Variants in PRKCH observed in about 807,000 individuals in gnomAD.
PRKCH encodes the protein protein kinase C eta type.
In PRKCH, 28 loss-of-function variants were observed where a neutral mutation model predicts 82.5. The observed-to-expected ratio is 0.34, with a 90% CI of 0.25 to 0.47. The LOEUF (loss-of-function observed/expected upper bound fraction) is 0.47, where lower values mean the gene tolerates loss of function less well. PRKCH is among the 20% of genes least tolerant of loss of function. The pLI is 1.00. For missense variants in PRKCH, 705 were observed against 881.8 expected (o/e 0.80, Z 2.54); for synonymous variants, 322 against 327.4 (o/e 0.98, Z 0.18).
intron 1 of PRKCH, among the ~76,000 whole-genome samples, chr14:61,233,353 T>C (rs1349951681): frequency 1.3e-5 from 2 of 150,792 alleles, no homozygotes; most frequent in Non-Finnish European, 2.9e-5. Flanking sequence ...ATCAAGCCAC[T>C]GCACTCTGCT....
intron 1 of PRKCH, among the ~76,000 whole-genome samples, chr14:61,360,716 C>G (rs2046213874): frequency 6.6e-6 from 1 of 152,152 alleles, no homozygotes; most frequent in Admixed American, 6.5e-5. Flanking sequence ...TCCCCAGTTA[C>G]CCAACCCACT....
intron 1 of PRKCH, among the ~76,000 whole-genome samples, chr14:61,229,294 G>A (rs999566114): frequency 1.4e-4 from 21 of 152,092 alleles, no homozygotes; most frequent in Non-Finnish European, 2.6e-4. Context: ...GTGGGCAGGC[G>A]CTAAGTATAC....
chr14:61,285,651 T>G (rs1408730372), intron 1 of PRKCH, among the ~76,000 whole-genome samples: 1 of 152,180 alleles, frequency 6.6e-6, no homozygotes, highest in Non-Finnish European at 1.5e-5. Flanking sequence ...CCATCTAATT[T>G]GTACACAAAT....
chr14:61,207,550 G>A (rs1418167295), intron 1 of PRKCH, among the ~76,000 whole-genome samples: 4 of 152,056 alleles, frequency 2.6e-5, no homozygotes, highest in Non-Finnish European at 5.9e-5. Context: ...AATTCTTACA[G>A]CAGATAGATG....
At position 61,322,053 on chromosome 14, in the gene PRKCH, C is replaced by A; in HGVS notation, c.-49C>A. Reference sequence around the variant, plus strand: ...GGCCTGAGACGGGACTCCCGGTTCTCCCGCTGCGAAGCAGCGCGGCCCCCC... The same window carrying A: ...GGCCTGAGACGGGACTCCCGGTTCTACCGCTGCGAAGCAGCGCGGCCCCCC... On this transcript the variant is annotated 5_prime_UTR_variant, in exon 1 of 14. Transcript: ENST00000332981. The A allele has an allele frequency of 6.7e-7, 1 of 1,489,928 alleles. No individual in the cohort carries two copies. 92.3% of individuals were successfully genotyped at this position (1,489,928 alleles called of 1,614,324 possible).
chr14:61,339,763 C>T (rs1419079040), intron 1 of PRKCH, among the ~76,000 whole-genome samples: 1 of 141,102 alleles, frequency 7.1e-6, no homozygotes, highest in African/African-American at 2.8e-5. Context: ...CTCACTGCTA[C>T]CTTAACTCCT....
chr14:61,343,638 A>T (rs1357083480), intron 1 of PRKCH, among the ~76,000 whole-genome samples: 2 of 152,210 alleles, frequency 1.3e-5, no homozygotes, highest in Non-Finnish European at 2.9e-5. Context: ...TTTGTAATCA[A>T]GTAATATTTT....
chr14:61,438,700 A>G (rs1883798239), intron 2 of PRKCH, among the ~76,000 whole-genome samples: 1 of 152,070 alleles, frequency 6.6e-6, no homozygotes, highest in Non-Finnish European at 1.5e-5. Flanking sequence ...TGACCAACAC[A>G]AGTTTCAGTC....
Position 61,487,451 on chromosome 14 carries a change from C to T in PRKCH, c.1433+1795C>T, listed in dbSNP as rs556117343. Among the ~76,000 whole-genome samples, 3 of 152,142 alleles carry T rather than the reference C, an allele frequency of 2.0e-5. No individual in the cohort carries two copies. The East Asian group carries it at 5.8e-4, about 29-fold the overall frequency. ...CTCTCCACTTTCTTTCCAGTGTATG[C>T]TTTGTGGAGGTTGCTGGTATGATCT... is the stretch of plus-strand genomic sequence containing the variant. On this transcript the variant is annotated intron_variant, in intron 10 of 13. Coordinates refer to ENST00000332981, the MANE Select transcript of PRKCH (RefSeq NM_006255.5).
chr14:61,410,821 T>C (rs1279763777), intron 2 of PRKCH, among the ~76,000 whole-genome samples: 1 of 152,222 alleles, frequency 6.6e-6, no homozygotes, highest in East Asian at 1.9e-4. Context: ...CATTTCCTAC[T>C]GTTCTGATCA....
At chr14:61,248,418 T>A (rs1386978743) in intron 1 of PRKCH, among the ~76,000 whole-genome samples, 1 of 152,176 alleles carries the variant, frequency 6.6e-6, no homozygotes, top group Non-Finnish European at 1.5e-5. Flanking sequence ...CAGAGCAGCA[T>A]AAACAAAGCT....
At position 61,280,398 on chromosome 14, in the gene PRKCH, G is replaced by A. The variant is rs749820105; in HGVS notation, c.-19+92730G>A. On this transcript the variant is annotated intron_variant, in intron 1 of 3. Coordinates refer to the PRKCH transcript ENST00000555185. The surrounding 1 kb of genome is among the most constrained non-coding windows in gnomAD (Gnocchi z 5.0). ...GCGCCGCCGTGCGCATCCACACCAC[G>A]AAGTCCTGATTGATGAAGCCGGTGT... 1.2e-6 allele frequency: 2 copies of A among 1,614,020 alleles called. No homozygotes were observed. The highest frequency in any genetic ancestry group is 1.7e-6 in the Non-Finnish European group (2 of 1,179,898).
At chr14:61,220,371 A>G (rs1272707935) in intron 1 of PRKCH, among the ~76,000 whole-genome samples, 1 of 152,232 alleles carries the variant, frequency 6.6e-6, no homozygotes, top group Non-Finnish European at 1.5e-5. Flanking sequence ...AGCCTATTAG[A>G]TTGGATGAAG....
At chr14:61,500,900 G>T (rs1886876759) in intron 10 of PRKCH, among the ~76,000 whole-genome samples, 2 of 152,132 alleles carry the variant, frequency 1.3e-5, no homozygotes, top group Non-Finnish European at 2.9e-5. Flanking sequence ...CCATCTCAAA[G>T]TTGGAAATAC....
chr14:61,416,043 CTT>C (rs1222090217), intron 2 of PRKCH, among the ~76,000 whole-genome samples: 1 of 93,916 alleles, frequency 1.1e-5, no homozygotes, highest in Non-Finnish European at 2.2e-5. Context: ...TTTTTCTTTT[CTT>C]TTCTTTTCTT....
chr14:61,231,161 G>C (rs1396662550), intron 1 of PRKCH, among the ~76,000 whole-genome samples: 1 of 152,174 alleles, frequency 6.6e-6, no homozygotes, highest in Non-Finnish European at 1.5e-5. Flanking sequence ...GTGTGACCTT[G>C]GGCAAGTGTC....
chr14:61,232,689 G>T (rs1452283509), intron 1 of PRKCH, among the ~76,000 whole-genome samples: 1 of 152,136 alleles, frequency 6.6e-6, no homozygotes, highest in Non-Finnish European at 1.5e-5. Context: ...CCCCAACCCA[G>T]TCCTTTTGGG....
chr14:61,337,053 G>A (rs987509202), intron 1 of PRKCH, among the ~76,000 whole-genome samples: 1 of 113,944 alleles, frequency 8.8e-6, no homozygotes, highest in African/African-American at 3.4e-5. Context: ...GGGTTACGAA[G>A]TGACAGTCTG....
chr14:61,226,386 T>C (rs2044696531), intron 1 of PRKCH, among the ~76,000 whole-genome samples: 1 of 152,242 alleles, frequency 6.6e-6, no homozygotes, highest in Admixed American at 6.5e-5. Flanking sequence ...CAAGTCATCA[T>C]TTCTCTAACA....
Sources: allele counts gnomAD v4.1 joint callset (sites outside exome capture counted in the v4.1 genomes callset), GRCh38; gene constraint gnomAD v4.1.1; non-coding constraint Gnocchi (gnomAD v3.1); transcripts MANE v1.5; gene names NCBI Gene and HGNC (gene_info 2026-07-23, HGNC 2026-07-21).